The following CSGALNACT2 variants were observed in gnomAD, a reference collection of about 807,000 sequenced individuals.
CSGALNACT2 encodes chondroitin sulfate N-acetylgalactosaminyltransferase 2, also known as beta 4 GalNAcT-2.
In CSGALNACT2, 35 loss-of-function variants were observed where a neutral mutation model predicts 55.3. The observed-to-expected ratio is 0.63, with a 90% CI of 0.48 to 0.84. The LOEUF (loss-of-function observed/expected upper bound fraction) is 0.84, where lower values mean the gene tolerates loss of function less well. CSGALNACT2 is among the 40% of genes least tolerant of loss of function. CSGALNACT2 has a pLI of 0.00. For missense variants in CSGALNACT2, 544 were observed against 657.5 expected (o/e 0.83, Z 1.89); for synonymous variants, 196 against 224.9 (o/e 0.87, Z 1.15).
At chr10:43,147,896 G>C (rs754395428) in intron 1 of CSGALNACT2, among the ~76,000 whole-genome samples, 1 of 149,462 alleles carries the variant, frequency 6.7e-6, no homozygotes, top group South Asian at 2.1e-4. Context: ...TGCAACACAA[G>C]TTTTTTTATT....
intron 7 of CSGALNACT2, among the ~76,000 whole-genome samples, chr10:43,180,740 A>G (rs966233490): frequency 6.6e-6 from 1 of 152,188 alleles, no homozygotes; most frequent in Non-Finnish European, 1.5e-5. Context: ...TGTGGTGGTG[A>G]AGTGTGGAGG....
At chr10:43,143,968 A>G (rs1451817551) in intron 1 of CSGALNACT2, among the ~76,000 whole-genome samples, 1 of 152,232 alleles carries the variant, frequency 6.6e-6, no homozygotes, top group Non-Finnish European at 1.5e-5. Context: ...GAACTTATCA[A>G]GAAATGAAAC....
intron 1 of CSGALNACT2, among the ~76,000 whole-genome samples, chr10:43,148,685 C>T (rs1035739832): frequency 6.6e-6 from 1 of 151,810 alleles, no homozygotes; most frequent in Non-Finnish European, 1.5e-5. Context: ...TTTCAGATTG[C>T]TTGTTGCTAA....
At chr10:43,151,810 G>A (rs75970561) in intron 1 of CSGALNACT2, among the ~76,000 whole-genome samples, 6,665 of 152,240 alleles carry the variant, frequency 0.044, 178 homozygotes, top group South Asian at 0.089. Context: ...CAGTAAGCTG[G>A]CAACCACTTG....
At chr10:43,156,735 C>T (rs1434755984) in intron 2 of CSGALNACT2, among the ~76,000 whole-genome samples, 1 of 152,238 alleles carries the variant, frequency 6.6e-6, no homozygotes, top group Non-Finnish European at 1.5e-5. Flanking sequence ...ATGTGCAGTT[C>T]ACAACAGAGT....
intron 5 of CSGALNACT2, 125 bp downstream of exon 5, chr10:43,164,169 T>A: frequency 2.8e-6 from 2 of 727,224 alleles, no homozygotes; most frequent in Non-Finnish European, 4.3e-6. Flanking sequence ...TTTTAAGTTA[T>A]ATTAGGCATA....
At chr10:43,159,029 A>C in intron 3 of CSGALNACT2, 98 bp downstream of exon 3, 2 of 701,540 alleles carry the variant, frequency 2.9e-6, no homozygotes, top group Non-Finnish European at 4.8e-6. Flanking sequence ...ATAATTACTT[A>C]GAATAATTTT....
intron 5 of CSGALNACT2, among the ~76,000 whole-genome samples, chr10:43,164,740 G>A (rs568519509): frequency 1.5e-4 from 22 of 151,390 alleles, no homozygotes; most frequent in Admixed American, 8.5e-4. Context: ...CTAGCTACTC[G>A]GGTGGCTGAG....
chr10:43,166,343 A>G (rs1410994268), intron 5 of CSGALNACT2, among the ~76,000 whole-genome samples: 1 of 152,182 alleles, frequency 6.6e-6, no homozygotes, highest in African/African-American at 2.4e-5. Context: ...ATCACTGAAC[A>G]CTTCATGTGA....
chr10:43,143,686 C>T (rs1009703844), intron 1 of CSGALNACT2, among the ~76,000 whole-genome samples: 3 of 152,154 alleles, frequency 2.0e-5, no homozygotes, highest in Non-Finnish European at 4.4e-5. Flanking sequence ...GACTCTTTAA[C>T]TGGTTTTTGC....
intron 6 of CSGALNACT2, among the ~76,000 whole-genome samples, chr10:43,171,742 A>AAAGT: frequency 6.6e-6 from 1 of 152,222 alleles, no homozygotes; most frequent in Non-Finnish European, 1.5e-5. Flanking sequence ...TAGCAACTTA[A>AAAGT]GTTTAAGCAC....
chr10:43,147,362 C>T (rs3004212), intron 1 of CSGALNACT2, among the ~76,000 whole-genome samples: 36,580 of 152,024 alleles, frequency 0.24, 4,577 homozygotes, highest in Non-Finnish European at 0.28. Context: ...TCATTTTGAT[C>T]ATTTTAAAAT....
chr10:43,158,023 G>A (rs566717721), intron 2 of CSGALNACT2, among the ~76,000 whole-genome samples: 12 of 130,866 alleles, frequency 9.2e-5, no homozygotes, highest in East Asian at 2.2e-4. Context: ...GTGAGACTCC[G>A]TCTAAAAAAA....
intron 7 of CSGALNACT2, among the ~76,000 whole-genome samples, chr10:43,177,571 C>T (rs1207766631): frequency 2.0e-5 from 3 of 152,190 alleles, no homozygotes; most frequent in Non-Finnish European, 4.4e-5. Flanking sequence ...TTTCAAAGTT[C>T]ATCCATGTTG....
At chr10:43,162,188 C>G in intron 4 of CSGALNACT2, 1 of 519,224 alleles carries the variant, frequency 1.9e-6, no homozygotes, top group Non-Finnish European at 3.8e-6. Context: ...TGACTTCATT[C>G]TCCTGTTGCA....
At chr10:43,165,203 C>T (rs890864086) in intron 5 of CSGALNACT2, among the ~76,000 whole-genome samples, 3 of 151,500 alleles carry the variant, frequency 2.0e-5, no homozygotes, top group South Asian at 2.1e-4. Flanking sequence ...GCAGCCTGGG[C>T]GACAGGGCGA....
intron 1 of CSGALNACT2, among the ~76,000 whole-genome samples, chr10:43,140,021 G>A (rs924408006): frequency 2.0e-5 from 3 of 152,008 alleles, no homozygotes; most frequent in African/African-American, 7.2e-5. Flanking sequence ...TGGTGAAACC[G>A]CATCTCTACT....
chr10:43,164,321 G>A (rs1839214245), intron 5 of CSGALNACT2, among the ~76,000 whole-genome samples: 1 of 152,216 alleles, frequency 6.6e-6, no homozygotes, highest in Non-Finnish European at 1.5e-5. Flanking sequence ...ACAAATTGAT[G>A]AGGTGGGAGC....
Position 43,167,116 on chromosome 10 carries a change from T to C in CSGALNACT2, c.1254+18T>C, listed in dbSNP as rs772591227. 6.6e-7 allele frequency: 1 copy of C among 1,510,002 alleles called. No individual in the cohort carries two copies. Among genetic ancestry groups the C allele is most frequent in the Admixed American group, 1.7e-5 (1 of 59,440 alleles). The allele number at this position is 1,510,002 out of a possible 1,614,324, so 93.5% of individuals were successfully genotyped here. On this transcript the variant is annotated intron_variant, in intron 6 of 7. Coordinates refer to ENST00000374466, the MANE Select transcript of CSGALNACT2 (RefSeq NM_018590.5). ...AGCAGCTGGTGAGACTTTCACATTT[T>C]CAGTTATGAAAGACTCTAAAGATCT...
Sources: allele counts gnomAD v4.1 joint callset (sites outside exome capture counted in the v4.1 genomes callset), GRCh38; gene constraint gnomAD v4.1.1; transcripts MANE v1.5; gene names NCBI Gene and HGNC (gene_info 2026-07-23, HGNC 2026-07-21).